The following TMEM178B variants were observed in gnomAD, a reference collection of about 807,000 sequenced individuals.
The protein encoded by TMEM178B is transmembrane protein 178B.
Under a neutral mutation model 31.0 loss-of-function variants are expected in TMEM178B, and 5 were observed. That is an observed-to-expected ratio of 0.16 (90% CI 0.08 to 0.34). TMEM178B has a LOEUF of 0.34. Among genes scored for constraint, TMEM178B ranks in the 10% least tolerant of loss-of-function variants. TMEM178B has a pLI of 1.00. For missense variants in TMEM178B, 275 were observed against 400.3 expected, an observed-to-expected ratio of 0.69 and a Z score of 2.67; for synonymous variants, 164 against 164.0, an observed-to-expected ratio of 1.00 and a Z score of 0.00.
Position 141,461,274 on chromosome 7 carries a change from A to C in TMEM178B, c.635-9262A>C, listed in dbSNP as rs970158297. ...TTTCTGCAGAGCCTGCCTTGCAGCG[A>C]CCTGTAGGGCTCCAGTCAGAACATA... On this transcript the variant is annotated intron_variant, in intron 3 of 3. Transcript: ENST00000565468. This position sits in a 1 kb window ranked among gnomAD's most constrained non-coding sequence, Gnocchi z 4.0. Among the ~76,000 whole-genome samples, 8 of 152,290 alleles carry C rather than the reference A, an allele frequency of 5.3e-5. No individual in the cohort carries two copies. The highest frequency in any genetic ancestry group is 1.9e-4 in the African/African-American group (8 of 41,560).
chr7:141,477,392 A>C lies in TMEM178B; in HGVS notation c.*6606A>C, dbSNP rs10239319. The C allele has an allele frequency of 0.99, 151,498 of 153,078 alleles. 74,989 individuals carry two copies. The highest frequency in any genetic ancestry group is 1 in the East Asian group (5,174 of 5,174). 9.5% of individuals were successfully genotyped at this position (153,078 alleles called of 1,614,324 possible). On this transcript the variant is annotated 3_prime_UTR_variant, in exon 4 of 4. Coordinates refer to ENST00000565468, the MANE Select transcript of TMEM178B (RefSeq NM_001195278.2). ...CTAAAATCCTGAGTTAGGGTGGGAT[A>C]TGAAGGGAGGGATACCATTGACACA...
chr7:141,491,014 TCTTTTTTATTTTTTA>T, the TMEM178B span, among the ~76,000 whole-genome samples: 6 of 152,134 alleles, frequency 3.9e-5, no homozygotes, highest in Non-Finnish European at 7.4e-5. Context: ...AAACTCATAC[TCTTTTTTATTTTTTA>T]CTTTTTTATT....
At chr7:141,285,679 G>A (rs1430785426) in intron 2 of TMEM178B, among the ~76,000 whole-genome samples, 2 of 152,030 alleles carry the variant, frequency 1.3e-5, no homozygotes, top group East Asian at 3.9e-4. Flanking sequence ...CAATAGCAAA[G>A]AGTTGGAACA....
At chr7:141,324,046 C>T (rs886283779) in intron 2 of TMEM178B, among the ~76,000 whole-genome samples, 1 of 151,976 alleles carries the variant, frequency 6.6e-6, no homozygotes, top group Non-Finnish European at 1.5e-5. Context: ...CAAGAAACTG[C>T]CTGGAGGTCA....
In TMEM178B at chr7:141,436,665, G is replaced by A. The variant is rs369292031; in HGVS notation, c.497-943G>A. On this transcript the variant is annotated intron_variant, in intron 2 of 3. Coordinates refer to ENST00000565468, the MANE Select transcript of TMEM178B (RefSeq NM_001195278.2). Reference sequence around the variant, plus strand: ...TGGGGTGCGGTGGGCACGTGGAAGGGTAGGGGGCTTGAGAGCAGCTCTGGC... The same window carrying A: ...TGGGGTGCGGTGGGCACGTGGAAGGATAGGGGGCTTGAGAGCAGCTCTGGC... 5.2e-3 allele frequency among the ~76,000 whole-genome samples: 796 copies of A among 152,132 alleles called. 10 individuals are homozygous for A. The highest frequency in any genetic ancestry group is 0.018 in the African/African-American group (747 of 41,490).
intron 1 of TMEM178B, among the ~76,000 whole-genome samples, chr7:141,147,863 T>C (rs184633454): frequency 7.1e-4 from 108 of 152,276 alleles, no homozygotes; most frequent in African/African-American, 2.4e-3. Context: ...AATATCCACT[T>C]ATAGATGGCA....
At chr7:141,147,418 G>A (rs779855278) in intron 1 of TMEM178B, among the ~76,000 whole-genome samples, 4 of 152,098 alleles carry the variant, frequency 2.6e-5, no homozygotes, top group Non-Finnish European at 5.9e-5. Context: ...TATCTCAGAG[G>A]AATCTATGAA....
At chr7:141,429,315 ACAC>A (rs1801379406) in intron 2 of TMEM178B, among the ~76,000 whole-genome samples, 1,003 of 84,688 alleles carry the variant, frequency 0.012, 15 homozygotes, top group African/African-American at 0.057. Flanking sequence ...TAATACACAC[ACAC>A]ACACACACAC....
At chr7:141,113,840 T>G (rs1166962919) in intron 1 of TMEM178B, among the ~76,000 whole-genome samples, 1 of 152,232 alleles carries the variant, frequency 6.6e-6, no homozygotes, top group Non-Finnish European at 1.5e-5. Flanking sequence ...AATGGGCATT[T>G]GAGCTATATG....
At chr7:141,088,028 C>G (rs1356955916) in intron 1 of TMEM178B, among the ~76,000 whole-genome samples, 1 of 152,110 alleles carries the variant, frequency 6.6e-6, no homozygotes, top group African/African-American at 2.4e-5. Context: ...AGATGCAGCC[C>G]TGGACAGGCC....
rs568945627 is a variant in TMEM178B, at chr7:141,076,908, A to G, written c.382+2216A>G. Among the ~76,000 whole-genome samples, 17 of 152,294 alleles carry G rather than the reference A, an allele frequency of 1.1e-4. No individual in the cohort carries two copies. In the South Asian group the frequency reaches 1.5e-3, roughly 13 times the overall value. ...TGTCCATTTGACATTCTTGTTAGGT[A>G]TTATTGAGATAGATGACATGCCAGC... is the stretch of plus-strand genomic sequence containing the variant. On this transcript the variant is annotated intron_variant, in intron 1 of 3. Coordinates refer to ENST00000565468, the MANE Select transcript of TMEM178B (RefSeq NM_001195278.2).
chr7:141,188,091 C>A (rs1354913911), intron 1 of TMEM178B, among the ~76,000 whole-genome samples: 1 of 152,124 alleles, frequency 6.6e-6, no homozygotes, highest in East Asian at 1.9e-4. Context: ...ACATTTAAGT[C>A]TTTAATCCAT....
chr7:141,415,356 GCTC>G (rs1801076589), intron 2 of TMEM178B: 1 of 152,788 alleles, frequency 6.5e-6, no homozygotes, highest in Non-Finnish European at 1.5e-5. Context: ...TACTTACTGA[GCTC>G]CTGCTGAGGG....
At chr7:141,336,458 G>T (rs1435119141) in intron 2 of TMEM178B, among the ~76,000 whole-genome samples, 1 of 152,034 alleles carries the variant, frequency 6.6e-6, no homozygotes, top group Non-Finnish European at 1.5e-5. Context: ...CCACTGCATG[G>T]CCTTGGTCAT....
rs1342474949 is a variant in TMEM178B, at chr7:141,446,394, C to T, written c.634+8649C>T. Among the ~76,000 whole-genome samples the T allele has an allele frequency of 2.6e-5, 4 of 152,310 alleles. No homozygotes were observed. In the East Asian group the frequency reaches 5.8e-4, roughly 22 times the overall value. Reference sequence around the variant, plus strand: ...CAGGAAAGCCACAGTGCCACATGTTCGCCAGAGCAGGAGGAGTCTTTGTCA... The same window carrying T: ...CAGGAAAGCCACAGTGCCACATGTTTGCCAGAGCAGGAGGAGTCTTTGTCA... On this transcript the variant is annotated intron_variant, in intron 3 of 3. Transcript: ENST00000565468.
At chr7:141,245,630 T>A (rs1312961985) in intron 2 of TMEM178B, among the ~76,000 whole-genome samples, 2 of 152,220 alleles carry the variant, frequency 1.3e-5, no homozygotes, top group South Asian at 4.1e-4. Flanking sequence ...CAAATAGTGC[T>A]CATACGCTTT....
rs188217665 is a variant in TMEM178B at position 141,172,235 on chromosome 7, T to C, written c.383-40356T>C. Among the ~76,000 whole-genome samples the C allele has an allele frequency of 2.7e-3, 414 of 152,318 alleles. 1 individual carries two copies. Among genetic ancestry groups the C allele is most frequent in the Middle Eastern group, 6.8e-3 (2 of 294 alleles). ...TCATTCATTCATTCACAAATGTGTA[T>C]TGAGAGTCTGCCAGATGCTAGCATG... On this transcript the variant is annotated intron_variant, in intron 1 of 3. Transcript: ENST00000565468.
At chr7:141,156,435 C>T (rs544802362) in intron 1 of TMEM178B, among the ~76,000 whole-genome samples, 20 of 152,266 alleles carry the variant, frequency 1.3e-4, no homozygotes, top group Middle Eastern at 6.8e-3. Context: ...GGGAAAAAAG[C>T]GGTTATTTTT....
the TMEM178B span, among the ~76,000 whole-genome samples, chr7:141,490,650 T>C: frequency 6.6e-6 from 1 of 152,236 alleles, no homozygotes. Context: ...ATTGAGTGTG[T>C]AGAGAAGCAC....
Sources: gnomAD v4.1 joint callset for allele counts (sites outside exome capture counted in the v4.1 genomes callset) on GRCh38, gnomAD v4.1.1 for gene constraint, Gnocchi (gnomAD v3.1) non-coding constraint, MANE v1.5 for transcripts, NCBI Gene and HGNC (gene_info 2026-07-23, HGNC 2026-07-21) for gene names.